FBLIM1: variants seen among roughly 807,000 people sequenced by gnomAD.
FBLIM1 encodes the protein filamin binding LIM protein 1, also known as filamin-binding LIM protein 1.
A neutral mutation model predicts 37.4 loss-of-function variants in FBLIM1; 29 were observed. The observed-to-expected ratio is 0.77, with a 90% CI of 0.58 to 1.06. The LOEUF is 1.06. Among genes scored for constraint, FBLIM1 ranks in the 50% least tolerant of loss-of-function variants. The probability of loss-of-function intolerance (pLI) is 0.00; values close to 1 mark genes in which losing one functional copy is unlikely to be tolerated. For missense variants in FBLIM1, 449 were observed against 505.6 expected, an observed-to-expected ratio of 0.89 and a Z score of 1.07; for synonymous variants, 193 against 199.0, an observed-to-expected ratio of 0.97 and a Z score of 0.25.
At chr1:15,773,924 C>T (rs1371339763) in intron 6 of FBLIM1, among the ~76,000 whole-genome samples, 1 of 152,042 alleles carries the variant, frequency 6.6e-6, no homozygotes, top group Non-Finnish European at 1.5e-5. Flanking sequence ...GGGTTGATCA[C>T]TTGAGGTCAG....
At chr1:15,770,247 C>T (rs1435295042) in intron 5 of FBLIM1, among the ~76,000 whole-genome samples, 162 bp from the exon 6 acceptor site, 1 of 152,082 alleles carries the variant, frequency 6.6e-6, no homozygotes, top group African/African-American at 2.4e-5. Flanking sequence ...ATGCCTGACT[C>T]AGATTCCTTT....
chr1:15,760,622 G>T (rs1451647285), intron 1 of FBLIM1, among the ~76,000 whole-genome samples: 3 of 151,556 alleles, frequency 2.0e-5, no homozygotes, highest in Non-Finnish European at 4.4e-5. Flanking sequence ...CAAGGAGTAG[G>T]AAGGAGGACT....
Position 15,764,987 on chromosome 1 carries a change from G to A in FBLIM1, c.4G>A (p.Ala2Thr), listed in dbSNP as rs1211341230. The A allele has an allele frequency of 4.3e-6, 7 of 1,612,258 alleles. No homozygotes were observed. The highest frequency in any genetic ancestry group is 1.3e-5 in the African/African-American group (1 of 75,024). The change falls in exon 3 of 9, where the codon GCC (alanine) becomes ACC (threonine). Residue 2 changes from alanine (A) to threonine (T), a missense_variant. Transcript: ENST00000375766. The part of the protein sequence containing the change: M[A>T]SKPEKRVASS... ...AGCCACACCAGGAGCTGAAGCCATG[G>A]CCTCAAAGCCTGAGAAGAGGGTGGC...
In FBLIM1 at chr1:15,774,702, T is replaced by C. The variant is rs1392199837; in HGVS notation, c.796T>C (p.Cys266Arg). 2 of 1,614,136 alleles carry C rather than the reference T, an allele frequency of 1.2e-6. No homozygotes were observed. Among genetic ancestry groups the C allele is most frequent in the South Asian group, 1.1e-5 (1 of 91,082 alleles). Residue 266 changes from cysteine to arginine, a missense_variant, in exon 7 of 9, where the codon TGC becomes CGC. Physicochemically the swap from Cys to Arg is radical, Grantham distance 180. Coordinates refer to ENST00000375766, the MANE Select transcript of FBLIM1 (RefSeq NM_017556.4). ...CCTGGGCCAGGCCTTCCACCCCTCC[T>C]GCTTCACGTGTGTGACCTGCGCCCG... ...RALGQAFHPS[C>R]FTCVTCARCI...
At chr1:15,773,292 AGAATCACTT>A (rs1379695904) in intron 6 of FBLIM1, among the ~76,000 whole-genome samples, 4 of 151,802 alleles carry the variant, frequency 2.6e-5, no homozygotes, top group African/African-American at 9.7e-5. Context: ...CTGAGGCAGG[AGAATCACTT>A]GAACCCGGGA....
Position 15,785,711 on chromosome 1 carries a change from A to G in FBLIM1, c.*1050A>G, listed in dbSNP as rs1368369419. The G allele has an allele frequency of 6.6e-6, 1 of 152,252 alleles. No individual in the cohort carries two copies. Among genetic ancestry groups the G allele is most frequent in the Non-Finnish European group, 1.5e-5 (1 of 68,038 alleles). 9.4% of individuals were successfully genotyped at this position (152,252 alleles called of 1,614,324 possible). A position where few individuals can be genotyped will look rare whatever the true frequency, so the allele number is the denominator to read the frequency against. On this transcript the variant is annotated 3_prime_UTR_variant, in exon 9 of 9. Transcript: ENST00000375766. ...ACATTCTTTGGATTTAGTGGGGAGC[A>G]TAATAGCAAACACCCCCTTGGTTCG... is the stretch of plus-strand genomic sequence containing the variant.
intron 5 of FBLIM1, 141 bp downstream of exon 5, chr1:15,768,771 C>T (rs539282485): frequency 1.9e-6 from 1 of 516,012 alleles, no homozygotes; most frequent in East Asian, 3.5e-5. Context: ...TGTAGTTCGG[C>T]ATCCATTTAA....
rs979064946 is a variant in FBLIM1 at position 15,765,071 on chromosome 1, G to C, written c.88G>C (p.Val30Leu). The change falls in exon 3 of 9, where the codon GTG becomes CTG. Residue 30 changes from valine (V) to leucine (L), a missense_variant. Coordinates refer to ENST00000375766, the MANE Select transcript of FBLIM1 (RefSeq NM_017556.4). This position sits in a 1 kb window ranked among gnomAD's most constrained non-coding sequence, Gnocchi z 5.9. ...PRRDVAVAEE[V>L]RQAVCEARRG... ...CCGCGATGTGGCCGTGGCGGAGGAAGTGAGGCAGGCAGTTTGTGAGGCCCG... is the reference window on the plus strand; with the variant it reads ...CCGCGATGTGGCCGTGGCGGAGGAACTGAGGCAGGCAGTTTGTGAGGCCCG... 2.5e-6 allele frequency: 4 copies of C among 1,614,118 alleles called. No individual in the cohort carries two copies. The highest frequency in any genetic ancestry group is 3.4e-6 in the Non-Finnish European group (4 of 1,179,998).
At chr1:15,772,314 C>A (rs533477101) in intron 6 of FBLIM1, among the ~76,000 whole-genome samples, 15 of 152,178 alleles carry the variant, frequency 9.9e-5, no homozygotes, top group Non-Finnish European at 1.9e-4. Context: ...CCCTCCCTGC[C>A]GTGTCCCTGT....
chr1:15,769,099 T>C (rs979277429), intron 5 of FBLIM1, among the ~76,000 whole-genome samples: 1 of 152,158 alleles, frequency 6.6e-6, no homozygotes, highest in East Asian at 1.9e-4. Context: ...CTCCCCCCAT[T>C]TTTCCATAAG....
rs1482975768 is a variant in FBLIM1, at chr1:15,758,831, G to A, written c.-228G>A. 2.6e-5 allele frequency: 4 copies of A among 151,282 alleles called. No individual in the cohort carries two copies. The South Asian group carries it at 6.2e-4, about 24-fold the overall frequency. 9.4% of individuals were successfully genotyped at this position (151,282 alleles called of 1,614,324 possible). A position where few individuals can be genotyped will look rare whatever the true frequency, so the allele number is the denominator to read the frequency against. ...GCTCGGGCGTCGGATCGGAGCCGCCGGGGCGCGGGCGGCCCAGGTAAGCGG... is the reference window on the plus strand; with the variant it reads ...GCTCGGGCGTCGGATCGGAGCCGCCAGGGCGCGGGCGGCCCAGGTAAGCGG... On this transcript the variant is annotated 5_prime_UTR_variant, in exon 1 of 9. Transcript: ENST00000375766. This position sits in a 1 kb window ranked among gnomAD's most constrained non-coding sequence, Gnocchi z 6.2.
rs766909189 is a variant in FBLIM1 at position 15,782,407 on chromosome 1, T to TAA, written c.1009-2125_1009-2124dup. Among the ~76,000 whole-genome samples the TAA allele has an allele frequency of 7.5e-3, 943 of 126,158 alleles. 11 individuals carry two copies. The highest frequency in any genetic ancestry group is 0.026 in the African/African-American group (901 of 34,194). 82.8% of individuals were successfully genotyped at this position (126,158 alleles called of 152,430 possible). On this transcript the variant is annotated intron_variant, in intron 8 of 8. Transcript: ENST00000375766. ...TGGGTGACAGAGTGAGACTCTATCT[T>TAA]AAAAAAAAAAAAAAAAAGGATGGGA...
At position 15,785,915 on chromosome 1, in the gene FBLIM1, G is replaced by C. The variant is rs1262317107; in HGVS notation, c.*1254G>C. 2.6e-5 allele frequency: 4 copies of C among 152,340 alleles called. No individual in the cohort carries two copies. The highest frequency in any genetic ancestry group is 5.9e-5 in the Non-Finnish European group (4 of 68,112). The allele number at this position is 152,340 out of a possible 1,614,324, so 9.4% of individuals were successfully genotyped here. A position where few individuals can be genotyped will look rare whatever the true frequency, so the allele number is the denominator to read the frequency against. On this transcript the variant is annotated 3_prime_UTR_variant, in exon 9 of 9. Transcript: ENST00000375766. ...CGGCACCTCCCGGGTGCTGTGTTGAGTCAGCAGGCATGGGGTGAGAGCCTG... is the reference window on the plus strand; with the variant it reads ...CGGCACCTCCCGGGTGCTGTGTTGACTCAGCAGGCATGGGGTGAGAGCCTG...
chr1:15,769,120 G>C (rs1234297479), intron 5 of FBLIM1, among the ~76,000 whole-genome samples: 2 of 152,174 alleles, frequency 1.3e-5, no homozygotes, highest in Non-Finnish European at 2.9e-5. Context: ...TAGCAAACTA[G>C]GCTCTTCTGC....
At chr1:15,776,240 G>C (rs1449849137) in intron 7 of FBLIM1, among the ~76,000 whole-genome samples, 4 of 151,720 alleles carry the variant, frequency 2.6e-5, no homozygotes, top group African/African-American at 9.7e-5. Flanking sequence ...CTGGGCAACA[G>C]AGCTAGACTC....
Position 15,768,529 on chromosome 1 carries a change from C to A in FBLIM1, c.440C>A (p.Ala147Asp). The A allele has an allele frequency of 1.3e-6, 2 of 1,573,924 alleles. No homozygotes were observed. Among genetic ancestry groups the A allele is most frequent in the South Asian group, 2.4e-5 (2 of 83,940 alleles). ...HLSPPPPPPQ[A>D]PAEGPSVQPG... ...GACTCCCCGTCTGCATCCCCACAGG[C>A]CCCAGCGGAGGGACCTTCAGTCCAG... The change falls in exon 5 of 9, where the codon GCC becomes GAC. Residue 147 changes from alanine to aspartate, a missense_variant and splice_region_variant. By Grantham distance (126) the Ala-to-Asp change is moderately radical. Coordinates refer to ENST00000375766, the MANE Select transcript of FBLIM1 (RefSeq NM_017556.4).
At chr1:15,761,012 G>A (rs1009255694) in intron 1 of FBLIM1, among the ~76,000 whole-genome samples, 4 of 152,186 alleles carry the variant, frequency 2.6e-5, no homozygotes, top group African/African-American at 9.6e-5. Flanking sequence ...TGCAGTCACT[G>A]CTTGGGAGGT....
At chr1:15,768,933 C>G (rs562998609) in intron 5 of FBLIM1, among the ~76,000 whole-genome samples, 2 of 152,308 alleles carry the variant, frequency 1.3e-5, no homozygotes, top group African/African-American at 2.4e-5. Context: ...AAATAAACAG[C>G]ATGAGTGGGG....
intron 1 of FBLIM1, 54 bp from the exon 2 acceptor site, chr1:15,764,442 C>T (rs2068822238): frequency 6.4e-6 from 1 of 156,210 alleles, no homozygotes; most frequent in Non-Finnish European, 1.4e-5. Context: ...CCGCCGGAGC[C>T]TAGCCCTGAC....
Sources: allele counts gnomAD v4.1 joint callset (sites outside exome capture counted in the v4.1 genomes callset), GRCh38; gene constraint gnomAD v4.1.1; non-coding constraint Gnocchi (gnomAD v3.1); transcripts MANE v1.5; gene names NCBI Gene and HGNC (gene_info 2026-07-23, HGNC 2026-07-21).